GLIS3: variants seen among roughly 807,000 people sequenced by gnomAD.
The protein encoded by GLIS3 is GLIS family zinc finger 3.
Under a neutral mutation model 78.6 loss-of-function variants are expected in GLIS3, and 53 were observed. The observed-to-expected ratio is 0.67, with a 90% CI of 0.54 to 0.85. The LOEUF is 0.85. GLIS3 is among the 40% of genes least tolerant of loss of function. The pLI is 0.00. For missense variants in GLIS3, 1,703 were observed against 1,231.1 expected (o/e 1.38, Z -5.74); for synonymous variants, 684 against 509.9 (o/e 1.34, Z -4.60).
intron 2 of GLIS3, among the ~76,000 whole-genome samples, chr9:4,183,354 C>T (rs1817496546): frequency 6.6e-6 from 1 of 152,192 alleles, no homozygotes; most frequent in African/African-American, 2.4e-5. Flanking sequence ...ACCCACATTC[C>T]TATACCCAGA....
intron 2 of GLIS3, among the ~76,000 whole-genome samples, chr9:4,216,463 G>C (rs1041801398): frequency 8.0e-5 from 11 of 138,342 alleles, no homozygotes; most frequent in Non-Finnish European, 1.5e-4. Flanking sequence ...CTGGGTGACA[G>C]AGCGAGACTC....
chr9:4,339,569 C>G (rs1412648418), intron 2 of GLIS3, among the ~76,000 whole-genome samples: 1 of 150,936 alleles, frequency 6.6e-6, no homozygotes, highest in Non-Finnish European at 1.5e-5. Flanking sequence ...CCTCTCCAAC[C>G]TGTTGCTTCT....
chr9:4,344,357 G>T (rs1817874263), intron 2 of GLIS3, among the ~76,000 whole-genome samples: 1 of 152,110 alleles, frequency 6.6e-6, no homozygotes, highest in South Asian at 2.1e-4. Flanking sequence ...ACCTGCATTT[G>T]GCATTTGGCA....
chr9:4,010,734 G>T (rs899731445), intron 4 of GLIS3, among the ~76,000 whole-genome samples: 2 of 152,140 alleles, frequency 1.3e-5, no homozygotes, highest in African/African-American at 2.4e-5. Flanking sequence ...CCTGTCCCAT[G>T]CTCCACCAGC....
chr9:4,460,817 A>T, the GLIS3 span, among the ~76,000 whole-genome samples: 1 of 152,182 alleles, frequency 6.6e-6, no homozygotes, highest in African/African-American at 2.4e-5. Flanking sequence ...AAGTATTTCA[A>T]ATCTGGAGTG....
the GLIS3 span, among the ~76,000 whole-genome samples, chr9:4,481,886 C>A: frequency 6.6e-6 from 1 of 152,138 alleles, no homozygotes; most frequent in African/African-American, 2.4e-5. Flanking sequence ...GTGACACTAC[C>A]CATTTCTCCA....
At chr9:4,105,878 C>G (rs1830711591) in intron 4 of GLIS3, among the ~76,000 whole-genome samples, 1 of 152,086 alleles carries the variant, frequency 6.6e-6, no homozygotes, top group African/African-American at 2.4e-5. Flanking sequence ...CGGGGTGACC[C>G]AAGCTGTAAG....
At chr9:4,471,380 A>G in the GLIS3 span, among the ~76,000 whole-genome samples, 1 of 152,304 alleles carries the variant, frequency 6.6e-6, no homozygotes, top group South Asian at 2.1e-4. Context: ...AGTAACCAAA[A>G]CAGCATGGTA....
At chr9:4,285,919 A>G in intron 2 of GLIS3, 119 bp downstream of exon 2, 1 of 1,239,032 alleles carries the variant, frequency 8.1e-7, no homozygotes, top group South Asian at 1.2e-5. Flanking sequence ...TTATGAGACC[A>G]TCATCTTTGA....
chr9:4,256,841 C>CTGAA (rs1824991855), intron 2 of GLIS3, among the ~76,000 whole-genome samples: 1 of 152,104 alleles, frequency 6.6e-6, no homozygotes, highest in Non-Finnish European at 1.5e-5. Flanking sequence ...AATATCTCAT[C>CTGAA]TGAATATACA....
rs76704185 is a variant in GLIS3, at chr9:4,231,554, T to C, written c.388+54484A>G. Among the ~76,000 whole-genome samples, 859 of 152,156 alleles carry C rather than the reference T, an allele frequency of 5.6e-3. 8 individuals carry two copies. Among genetic ancestry groups the C allele is most frequent in the African/African-American group, 0.019 (788 of 41,510 alleles). ...TGAGCAGGAGAAAGATAAATCCACATCTAGATACATTATGATGGAACAGAA... is the reference window on the plus strand; with the variant it reads ...TGAGCAGGAGAAAGATAAATCCACACCTAGATACATTATGATGGAACAGAA... On this transcript the variant is annotated intron_variant, in intron 2 of 10. Coordinates refer to ENST00000381971, the MANE Select transcript of GLIS3 (RefSeq NM_001042413.2).
At chr9:3,996,895 A>G (rs1410979256) in intron 4 of GLIS3, among the ~76,000 whole-genome samples, 1 of 152,242 alleles carries the variant, frequency 6.6e-6, no homozygotes, top group Non-Finnish European at 1.5e-5. Context: ...ATGTATGTCA[A>G]TAAATTTGTA....
At chr9:4,350,141 G>C (rs1029032131), upstream of GLIS3, among the ~76,000 whole-genome samples, 2 of 152,212 alleles carry the variant, frequency 1.3e-5, no homozygotes, top group African/African-American at 2.4e-5. Flanking sequence ...TCACCGCAGA[G>C]GTCAGAGAAG....
chr9:4,323,195 C>T (rs562859651), intron 2 of GLIS3, among the ~76,000 whole-genome samples: 3 of 152,086 alleles, frequency 2.0e-5, no homozygotes, highest in African/African-American at 7.2e-5. Flanking sequence ...GCTTGTTTTT[C>T]TCAGGTTTGT....
chr9:4,235,254 G>A (rs1822617747), intron 2 of GLIS3, among the ~76,000 whole-genome samples: 1 of 140,826 alleles, frequency 7.1e-6, no homozygotes, highest in East Asian at 2.1e-4. Context: ...ATCCGAGATT[G>A]CACTACTGCA....
chr9:4,338,841 AT>A (rs2130579868), intron 2 of GLIS3, among the ~76,000 whole-genome samples: 1 of 152,302 alleles, frequency 6.6e-6, no homozygotes, highest in Non-Finnish European at 1.5e-5. Flanking sequence ...AGAGATCCTT[AT>A]TTAATTGGTT....
chr9:4,417,627 G>A, the GLIS3 span, among the ~76,000 whole-genome samples: 1 of 152,060 alleles, frequency 6.6e-6, no homozygotes, highest in East Asian at 1.9e-4. Flanking sequence ...ACATCTGTAG[G>A]GCGAATATCT....
rs188326173 is a variant in GLIS3, at chr9:4,106,427, A to C, written c.1710+11341T>G. Among the ~76,000 whole-genome samples the C allele has an allele frequency of 1.4e-4, 22 of 152,258 alleles. No individual in the cohort carries two copies. The East Asian group carries it at 4.0e-3, about 28-fold the overall frequency. ...CGGTAGAACACTGAGACAGGCCTTGACCCAGGGCTGTGGTATTGCATGATG... is the reference window on the plus strand; with the variant it reads ...CGGTAGAACACTGAGACAGGCCTTGCCCCAGGGCTGTGGTATTGCATGATG... On this transcript the variant is annotated intron_variant, in intron 4 of 10. Coordinates refer to ENST00000381971, the MANE Select transcript of GLIS3 (RefSeq NM_001042413.2).
intron 4 of GLIS3, among the ~76,000 whole-genome samples, chr9:4,051,431 C>G (rs1310534407): frequency 6.6e-6 from 1 of 152,084 alleles, no homozygotes; most frequent in South Asian, 2.1e-4. Flanking sequence ...GGGTATAGAG[C>G]TTTGTATCTA....
Sources: allele counts gnomAD v4.1 joint callset (sites outside exome capture counted in the v4.1 genomes callset), GRCh38; gene constraint gnomAD v4.1.1; transcripts MANE v1.5; gene names NCBI Gene and HGNC (gene_info 2026-07-23, HGNC 2026-07-21).